The following SV2C variants were observed in gnomAD, a reference collection of about 807,000 sequenced individuals.
SV2C encodes the protein synaptic vesicle glycoprotein 2C, also known as solute carrier family 22 member B3.
SV2C carries 49 observed loss-of-function variants against 79.7 expected under a neutral mutation model. That is an observed-to-expected ratio of 0.61 (90% confidence interval 0.49 to 0.78). SV2C has a LOEUF of 0.78. SV2C is among the 30% of genes least tolerant of loss of function. SV2C has a pLI of 0.00. For synonymous variants in SV2C, 334 were observed against 333.2 expected (o/e 1.00, Z -0.03); for missense variants, 833 against 912.9 (o/e 0.91, Z 1.13).
the SV2C span, among the ~76,000 whole-genome samples, chr5:76,024,353 T>C: frequency 1.3e-5 from 2 of 152,202 alleles, no homozygotes; most frequent in African/African-American, 4.8e-5. Context: ...GTTATATGCA[T>C]AAAAATGGTG....
At chr5:76,238,463 C>T (rs951760141) in intron 4 of SV2C, among the ~76,000 whole-genome samples, 2 of 151,986 alleles carry the variant, frequency 1.3e-5, no homozygotes, top group Admixed American at 6.6e-5. Context: ...GTCTGTCCTT[C>T]TGAGTTTCTT....
chr5:76,016,500 A>G, the SV2C span, among the ~76,000 whole-genome samples: 1 of 152,272 alleles, frequency 6.6e-6, no homozygotes, highest in East Asian at 1.9e-4. Context: ...TGTTTCCACT[A>G]TAGATTCAGA....
chr5:76,141,261 T>C (rs1749242000), intron 2 of SV2C, among the ~76,000 whole-genome samples: 1 of 152,166 alleles, frequency 6.6e-6, no homozygotes, highest in Non-Finnish European at 1.5e-5. Context: ...GATAGGAAAA[T>C]ATCCTTCTGC....
At chr5:76,310,259 C>T (rs960308229) in intron 12 of SV2C, among the ~76,000 whole-genome samples, 3 of 152,086 alleles carry the variant, frequency 2.0e-5, no homozygotes, top group Non-Finnish European at 2.9e-5. Context: ...AATAAAGCTA[C>T]GTGGAGCATA....
chr5:76,253,959 C>G (rs1746188945), intron 4 of SV2C, among the ~76,000 whole-genome samples: 1 of 151,970 alleles, frequency 6.6e-6, no homozygotes, highest in African/African-American at 2.4e-5. Flanking sequence ...TGAACTGCTT[C>G]CCTCATTAGA....
the SV2C span, among the ~76,000 whole-genome samples, chr5:75,888,331 T>TTTA: frequency 0.097 from 14,393 of 148,356 alleles, 700 homozygotes; most frequent in African/African-American, 0.13. Flanking sequence ...CCTTGCTTTT[T>TTTA]AAAAAAAAAA....
intron 4 of SV2C, among the ~76,000 whole-genome samples, chr5:76,241,452 C>T (rs909550982): frequency 1.3e-5 from 2 of 152,138 alleles, no homozygotes; most frequent in African/African-American, 2.4e-5. Context: ...TTTTCACAAG[C>T]CGACCCTGAC....
At chr5:76,130,283 G>A (rs114159575) in intron 1 of SV2C, among the ~76,000 whole-genome samples, 3,051 of 150,712 alleles carry the variant, frequency 0.02, 31 homozygotes, top group Non-Finnish European at 0.032. Context: ...TTTCCAAAAC[G>A]CAGCCTGTGA....
chr5:76,305,644 A>T (rs1748162071), intron 12 of SV2C, among the ~76,000 whole-genome samples: 1 of 152,202 alleles, frequency 6.6e-6, no homozygotes. Context: ...CGTTTGATAA[A>T]GAGGCAGGAA....
At chr5:75,873,719 G>T in the SV2C span, among the ~76,000 whole-genome samples, 2 of 151,984 alleles carry the variant, frequency 1.3e-5, no homozygotes, top group African/African-American at 4.8e-5. Flanking sequence ...TAGAAATGAT[G>T]AAGTAAATGT....
chr5:75,993,203 C>G, the SV2C span, among the ~76,000 whole-genome samples: 1 of 151,978 alleles, frequency 6.6e-6, no homozygotes, highest in Non-Finnish European at 1.5e-5. Flanking sequence ...TACTATTTTT[C>G]ATGTTTCTAA....
At chr5:75,903,896 G>A in the SV2C span, among the ~76,000 whole-genome samples, 23 of 152,186 alleles carry the variant, frequency 1.5e-4, no homozygotes, top group African/African-American at 5.5e-4. Flanking sequence ...TCGGAATTCT[G>A]TTTTGAGATT....
At chr5:75,974,571 A>C in the SV2C span, among the ~76,000 whole-genome samples, 1 of 152,020 alleles carries the variant, frequency 6.6e-6, no homozygotes, top group Non-Finnish European at 1.5e-5. Flanking sequence ...GAATCCTTTT[A>C]CCTGATTGAT....
intron 6 of SV2C, among the ~76,000 whole-genome samples, chr5:76,290,748 G>C (rs1747534273): frequency 1.3e-5 from 2 of 152,216 alleles, no homozygotes; most frequent in Admixed American, 6.5e-5. Context: ...AGGAAGAAAA[G>C]GACCGGAAGT....
At chr5:75,919,636 C>T in the SV2C span, among the ~76,000 whole-genome samples, 1 of 152,206 alleles carries the variant, frequency 6.6e-6, no homozygotes, top group Non-Finnish European at 1.5e-5. Flanking sequence ...AATTAAACTC[C>T]TCTCCATCAT....
chr5:76,230,040 T>G (rs567189056), intron 4 of SV2C, among the ~76,000 whole-genome samples: 1 of 152,204 alleles, frequency 6.6e-6, no homozygotes, highest in Non-Finnish European at 1.5e-5. Flanking sequence ...AGAATCTGTC[T>G]GTCCATCACT....
chr5:75,947,892 AT>A, the SV2C span, among the ~76,000 whole-genome samples: 8 of 150,662 alleles, frequency 5.3e-5, no homozygotes, highest in African/African-American at 1.5e-4. Context: ...TCTGTTTTCC[AT>A]TTTTTTTTAA....
intron 4 of SV2C, among the ~76,000 whole-genome samples, chr5:76,252,837 T>C (rs755652027): frequency 4.6e-5 from 7 of 152,210 alleles, no homozygotes; most frequent in Non-Finnish European, 1.0e-4. Flanking sequence ...TAAGAATTAA[T>C]GACAAACTCT....
At chr5:76,005,477 A>G in the SV2C span, among the ~76,000 whole-genome samples, 1 of 152,260 alleles carries the variant, frequency 6.6e-6, no homozygotes, top group Middle Eastern at 3.4e-3. Flanking sequence ...TTCCCTGAAC[A>G]ATGTTTTCTT....
Sources: gnomAD v4.1 joint callset for allele counts (sites outside exome capture counted in the v4.1 genomes callset) on GRCh38, gnomAD v4.1.1 for gene constraint, MANE v1.5 for transcripts, NCBI Gene and HGNC (gene_info 2026-07-23, HGNC 2026-07-21) for gene names.